PKD1L1: variants seen among roughly 807,000 people sequenced by gnomAD.
The protein encoded by PKD1L1 is polycystin 1 like 1, transient receptor potential channel interacting, also known as polycystin-1-like protein 1.
A neutral mutation model predicts 323.4 loss-of-function variants in PKD1L1; 236 were observed. The observed-to-expected ratio is 0.73, with a 90% CI of 0.66 to 0.81. The LOEUF (loss-of-function observed/expected upper bound fraction) is 0.81. Among genes scored for constraint, PKD1L1 ranks in the 40% least tolerant of loss-of-function variants. The pLI, the probability that PKD1L1 is intolerant of heterozygous loss-of-function variation, is 0.00. For missense variants in PKD1L1, 3,320 were observed against 3,508.0 expected, an observed-to-expected ratio of 0.95 and a Z score of 1.35; for synonymous variants, 1,344 against 1,335.0, an observed-to-expected ratio of 1.01 and a Z score of -0.15.
chr7:47,882,149 A>C, intron 19 of PKD1L1, 64 bp from the exon 20 acceptor site: 1 of 1,501,206 alleles, frequency 6.7e-7, no homozygotes. Context: ...TTAAAGCATT[A>C]GTGATTCAAT....
At chr7:47,825,844 A>G (rs1785231641) in intron 45 of PKD1L1, among the ~76,000 whole-genome samples, 1 of 152,164 alleles carries the variant, frequency 6.6e-6, no homozygotes, top group Non-Finnish European at 1.5e-5. Context: ...TTGTATATAA[A>G]TATGATATTG....
Position 47,936,878 on chromosome 7 carries a change from C to T in PKD1L1, c.366G>A (p.Gln122=), listed in dbSNP as rs774899428. 9 of 1,613,524 alleles carry T rather than the reference C, an allele frequency of 5.6e-6. 1 individual carries two copies. ...KTQAVVNEKT[Q]APLDCDNSAD... is the part of the protein sequence containing the mutation. ...CACTGTTATCACAATCCAGAGGCGCCTGTGTTTTTTCATTAACAACAGCCT... is the reference window on the plus strand; with the variant it reads ...CACTGTTATCACAATCCAGAGGCGCTTGTGTTTTTTCATTAACAACAGCCT... Residue 122 remains glutamine, a synonymous_variant, in exon 4 of 57, where the codon CAG becomes CAA. Transcript: ENST00000289672.
Position 47,898,128 on chromosome 7 carries a change from G to T in PKD1L1, c.2131C>A (p.Gln711Lys). The change falls in exon 14 of 57, where the codon CAA (glutamine) becomes AAA (lysine). Residue 711 changes from glutamine to lysine, a missense_variant. Gln to Lys is a moderately conservative substitution (Grantham distance 53). Coordinates refer to ENST00000289672, the MANE Select transcript of PKD1L1 (RefSeq NM_138295.5). The part of the protein sequence containing the change: ...FEAAVFCDIS[Q>K]GLSYTWNLMD... ...AAGTTCCAGGTGTAAGAAAGACCTT[G>T]GGAAATATCACAGAAGACTGCAGCT... 1 of 1,614,166 alleles carries T rather than the reference G, an allele frequency of 6.2e-7. No homozygotes were observed. The highest frequency in any genetic ancestry group is 8.5e-7 in the Non-Finnish European group (1 of 1,180,030).
intron 54 of PKD1L1, 99 bp downstream of exon 54, chr7:47,800,550 G>A: frequency 8.2e-7 from 1 of 1,220,396 alleles, no homozygotes; most frequent in Non-Finnish European, 1.2e-6. Context: ...GATCTGGCCT[G>A]TGTTGCCTGG....
chr7:47,952,919 C>T (rs1463444049), upstream of PKD1L1, among the ~76,000 whole-genome samples: 1 of 152,150 alleles, frequency 6.6e-6, no homozygotes, highest in Admixed American at 6.5e-5. Context: ...TTTCCATTGG[C>T]TTCAAAATAA....
In PKD1L1 at chr7:47,818,240, A is replaced by C. The variant is rs768443538; in HGVS notation, c.6966-2783T>G. On this transcript the variant is annotated intron_variant, in intron 46 of 56. Coordinates refer to ENST00000289672, the MANE Select transcript of PKD1L1 (RefSeq NM_138295.5). ...CAAATATTCACGCCAAAGGAAAGGA[A>C]GAATGAGCCAGGGGGCACAGAGATG... is the stretch of plus-strand genomic sequence containing the variant. 4.6e-6 allele frequency: 6 copies of C among 1,308,010 alleles called. No individual in the cohort carries two copies. In the South Asian group the frequency reaches 7.5e-5, roughly 16 times the overall value. 81.0% of individuals were successfully genotyped at this position (1,308,010 alleles called of 1,614,324 possible). A position where few individuals can be genotyped will look rare whatever the true frequency, so the allele number is the denominator to read the frequency against.
intron 15 of PKD1L1, among the ~76,000 whole-genome samples, chr7:47,891,351 T>G (rs1583653119): frequency 6.6e-6 from 1 of 152,072 alleles, no homozygotes; most frequent in Non-Finnish European, 1.5e-5. Context: ...TCCGTCCAGG[T>G]CAAGCAGGAA....
rs139600738 is a variant in PKD1L1, at chr7:47,884,280, T to C, written c.3265+318A>G. 6.6e-4 allele frequency among the ~76,000 whole-genome samples: 101 copies of C among 152,098 alleles called. 1 individual carries two copies. Among genetic ancestry groups the C allele is most frequent in the African/African-American group, 2.0e-3 (84 of 41,476 alleles). On this transcript the variant is annotated intron_variant, in intron 19 of 56. Transcript: ENST00000289672. ...TGAAGGAGGAGGCTCGCTGAGCAGA[T>C]AACTTAGGAAGGACGTGGAGGAAGG...
chr7:47,789,996 C>A (rs183662953), intron 56 of PKD1L1, among the ~76,000 whole-genome samples: 32 of 152,092 alleles, frequency 2.1e-4, no homozygotes, highest in African/African-American at 7.5e-4. Context: ...TCAAGCAATT[C>A]TCTTGCCTCA....
chr7:47,842,375 T>C (rs893588832), intron 34 of PKD1L1, among the ~76,000 whole-genome samples: 6 of 152,254 alleles, frequency 3.9e-5, no homozygotes, highest in African/African-American at 1.4e-4. Flanking sequence ...AAAGTAACCA[T>C]GGTTCCCTCG....
At chr7:47,792,572 TA>T in intron 56 of PKD1L1, 54 bp downstream of exon 56, 1 of 1,522,638 alleles carries the variant, frequency 6.6e-7, no homozygotes, top group East Asian at 2.3e-5. Flanking sequence ...AAAACTCCTT[TA>T]GAACTTAAAT....
chr7:47,907,312 C>T (rs1397063661), intron 9 of PKD1L1, among the ~76,000 whole-genome samples: 1 of 152,118 alleles, frequency 6.6e-6, no homozygotes, highest in Non-Finnish European at 1.5e-5. Flanking sequence ...ACCCCATCAT[C>T]CCACCCATGT....
At chr7:47,934,104 T>G (rs972588449) in intron 4 of PKD1L1, among the ~76,000 whole-genome samples, 1 of 152,232 alleles carries the variant, frequency 6.6e-6, no homozygotes, top group African/African-American at 2.4e-5. Context: ...ATTTATAGGT[T>G]AGGTATACTA....
chr7:47,863,736 C>T (rs1188071807), intron 26 of PKD1L1, among the ~76,000 whole-genome samples: 2 of 152,118 alleles, frequency 1.3e-5, no homozygotes, highest in Non-Finnish European at 1.5e-5. Context: ...CTAAAATGCA[C>T]GAGAAGCCAG....
At chr7:47,904,753 A>G (rs1331943531) in intron 11 of PKD1L1, 136 bp from the exon 12 acceptor site, 5 of 1,104,966 alleles carry the variant, frequency 4.5e-6, no homozygotes, top group Non-Finnish European at 5.0e-6. Context: ...AAGAACTACA[A>G]AAGTATCTAG....
chr7:47,837,524 C>A lies in PKD1L1; in HGVS notation c.5770-430G>T, dbSNP rs78483990. On this transcript the variant is annotated intron_variant, in intron 36 of 56. Coordinates refer to ENST00000289672, the MANE Select transcript of PKD1L1 (RefSeq NM_138295.5). ...GGTCTCAAATGCCTTCACTCCCAGCCTCAGGAGACCTTCTCTCCAGAGCTT... is the reference window on the plus strand; with the variant it reads ...GGTCTCAAATGCCTTCACTCCCAGCATCAGGAGACCTTCTCTCCAGAGCTT... Among the ~76,000 whole-genome samples the A allele has an allele frequency of 6.3e-4, 96 of 152,274 alleles. No individual in the cohort carries two copies. In the East Asian group the frequency reaches 0.013, roughly 21 times the overall value.
chr7:47,808,524 G>T, intron 51 of PKD1L1, 137 bp from the exon 52 acceptor site: 1 of 1,054,020 alleles, frequency 9.5e-7, no homozygotes. Context: ...GCATCGCTGG[G>T]TGATTTTGTC....
intron 2 of PKD1L1, among the ~76,000 whole-genome samples, chr7:47,942,789 T>C (rs1563001464): frequency 6.6e-6 from 1 of 152,126 alleles, no homozygotes. Flanking sequence ...CCCCCAGATC[T>C]CAGCCTCACC....
At chr7:47,937,791 T>G (rs1046052123) in intron 3 of PKD1L1, among the ~76,000 whole-genome samples, 2 of 151,948 alleles carry the variant, frequency 1.3e-5, no homozygotes, top group Non-Finnish European at 2.9e-5. Context: ...CTGTGCACAC[T>G]GAGAGCTTAG....
Sources: gnomAD v4.1 joint callset for allele counts (sites outside exome capture counted in the v4.1 genomes callset) on GRCh38, gnomAD v4.1.1 for gene constraint, MANE v1.5 for transcripts, NCBI Gene and HGNC (gene_info 2026-07-23, HGNC 2026-07-21) for gene names.